Variants in PCDH15 observed in about 807,000 individuals in gnomAD.
PCDH15 encodes the protein protocadherin related 15.
In PCDH15, 129 loss-of-function variants were observed where a neutral mutation model predicts 178.5. The ratio of observed to expected loss-of-function variants is 0.72; its 90% confidence interval spans 0.63 to 0.84. PCDH15 has a LOEUF of 0.84. Ranked by LOEUF, PCDH15 falls within the 40% of genes least tolerant of loss-of-function variation. PCDH15 has a pLI of 0.00. For synonymous variants in PCDH15, 800 were observed against 732.0 expected (o/e 1.09, Z -1.50); for missense variants, 2,230 against 2,099.9 (o/e 1.06, Z -1.21).
intron 32 of PCDH15, chr10:53,822,472 G>C (rs530570148): frequency 1.2e-6 from 2 of 1,600,712 alleles, no homozygotes; most frequent in Non-Finnish European, 1.7e-6. Flanking sequence ...GGAGAAATAG[G>C]AGGAGGAGGG....
chr10:54,106,886 A>G (rs549878578), intron 15 of PCDH15, among the ~76,000 whole-genome samples: 11 of 152,344 alleles, frequency 7.2e-5, no homozygotes, highest in Admixed American at 6.5e-4. Context: ...TAAACAGTTA[A>G]AACATTGGAA....
intron 9 of PCDH15, among the ~76,000 whole-genome samples, chr10:54,225,284 C>T (rs902265039): frequency 2.6e-5 from 4 of 152,128 alleles, no homozygotes. Context: ...CTTCATGGTA[C>T]ATGATACGTT....
intron 2 of PCDH15, among the ~76,000 whole-genome samples, chr10:55,449,049 T>C (rs1363708845): frequency 6.6e-6 from 1 of 152,082 alleles, no homozygotes; most frequent in African/African-American, 2.4e-5. Flanking sequence ...ATATTTGTAA[T>C]CAAATTTATA....
intron 3 of PCDH15, among the ~76,000 whole-genome samples, chr10:54,421,929 C>CTATATATATATACACTATA (rs1565232430): frequency 1.5e-4 from 16 of 105,732 alleles, no homozygotes; most frequent in Non-Finnish European, 2.8e-4. Context: ...TATATATACA[C>CTATATATATATACACTATA]TATATATATA....
chr10:54,188,211 G>A (rs11004126), intron 11 of PCDH15, among the ~76,000 whole-genome samples: 66,228 of 151,648 alleles, frequency 0.44, 17,567 homozygotes, highest in East Asian at 0.94. Flanking sequence ...GCTGCATTCC[G>A]ATACAGTTTG....
intron 2 of PCDH15, among the ~76,000 whole-genome samples, chr10:55,102,836 T>C (rs1368781141): frequency 1.1e-5 from 1 of 91,746 alleles, no homozygotes; most frequent in Non-Finnish European, 2.3e-5. Flanking sequence ...TTATATAATG[T>C]AGTCTTATTT....
At chr10:54,937,255 T>C (rs1261313529) in intron 2 of PCDH15, among the ~76,000 whole-genome samples, 1 of 151,854 alleles carries the variant, frequency 6.6e-6, no homozygotes, top group Non-Finnish European at 1.5e-5. Context: ...GTCCTTTAAA[T>C]GTGTTATTCT....
intron 17 of PCDH15, among the ~76,000 whole-genome samples, chr10:54,074,859 G>A (rs2094311216): frequency 6.6e-6 from 1 of 152,014 alleles, no homozygotes; most frequent in Admixed American, 6.6e-5. Flanking sequence ...AACATGTTAT[G>A]TTGTTGTTGT....
chr10:55,587,738 T>C (rs1842754027), intron 2 of PCDH15, among the ~76,000 whole-genome samples: 1 of 152,232 alleles, frequency 6.6e-6, no homozygotes, highest in Non-Finnish European at 1.5e-5. Flanking sequence ...AAAGATGCTT[T>C]CTTGACAGTT....
At chr10:55,067,665 T>A (rs534215070) in intron 2 of PCDH15, among the ~76,000 whole-genome samples, 1 of 147,210 alleles carries the variant, frequency 6.8e-6, no homozygotes, top group Non-Finnish European at 1.5e-5. Flanking sequence ...GAAACTTCCA[T>A]GCTGCTTTCT....
At chr10:54,383,422 A>T (rs1211063966) in intron 3 of PCDH15, among the ~76,000 whole-genome samples, 2 of 152,194 alleles carry the variant, frequency 1.3e-5, no homozygotes, top group Non-Finnish European at 2.9e-5. Flanking sequence ...GCTTATTAGT[A>T]CTTATTAGCA....
Position 55,013,482 on chromosome 10 carries a change from T to A in PCDH15, c.-79-115982A>T, listed in dbSNP as rs965528755. Among the ~76,000 whole-genome samples the A allele has an allele frequency of 3.7e-5, 5 of 135,106 alleles. 1 individual carries two copies. The highest frequency in any genetic ancestry group is 5.0e-4 in the South Asian group (2 of 3,972). 88.6% of individuals were successfully genotyped at this position (135,106 alleles called of 152,430 possible). A position where few individuals can be genotyped will look rare whatever the true frequency, so the allele number is the denominator to read the frequency against. ...TCCACCACTCAGACCATGATTTATC[T>A]CACATCAGGGCATCTGCCTTTCCCT... is the stretch of plus-strand genomic sequence containing the variant. On this transcript the variant is annotated intron_variant, in intron 2 of 5. Transcript: ENST00000458638.
chr10:54,042,320 A>G (rs2135526041), intron 18 of PCDH15, among the ~76,000 whole-genome samples: 1 of 152,230 alleles, frequency 6.6e-6, no homozygotes, highest in Non-Finnish European at 1.5e-5. Context: ...ATGCAGCTAG[A>G]ATTTGAATGC....
At chr10:54,000,384 A>G (rs1248895543) in intron 20 of PCDH15, among the ~76,000 whole-genome samples, 1 of 152,184 alleles carries the variant, frequency 6.6e-6, no homozygotes, top group Non-Finnish European at 1.5e-5. Flanking sequence ...GTGATCTTTC[A>G]GACAGAGAAT....
intron 2 of PCDH15, among the ~76,000 whole-genome samples, chr10:55,091,969 G>A (rs1216242945): frequency 1.3e-5 from 2 of 151,800 alleles, no homozygotes; most frequent in Non-Finnish European, 2.9e-5. Context: ...GGTTTGCTAT[G>A]TTATAATTTG....
chr10:54,218,548 A>G (rs1042303155), intron 9 of PCDH15, among the ~76,000 whole-genome samples: 1 of 151,092 alleles, frequency 6.6e-6, no homozygotes, highest in African/African-American at 2.5e-5. Context: ...TCTCTGTCCA[A>G]GGGCACACAG....
intron 1 of PCDH15, among the ~76,000 whole-genome samples, chr10:55,217,755 A>G (rs1033135235): frequency 2.6e-5 from 4 of 151,970 alleles, no homozygotes; most frequent in African/African-American, 2.4e-5. Flanking sequence ...GCCATCACAT[A>G]AAACACTGCT....
rs117895272 is a variant in PCDH15, at chr10:54,800,439, T to C, written c.-29+486A>G. Among the ~76,000 whole-genome samples, 425 of 152,262 alleles carry C rather than the reference T, an allele frequency of 2.8e-3. 5 individuals are homozygous for C. The Middle Eastern group carries it at 0.044, about 16-fold the overall frequency. On this transcript the variant is annotated intron_variant, in intron 1 of 37. Coordinates refer to ENST00000644397, the MANE Select transcript of PCDH15 (RefSeq NM_001384140.1). Reference sequence around the variant, plus strand: ...TATACTCACAAAAGACAAAAAATACTGTTCATTGTGAGGCAGAATTAGCTA... The same window carrying C: ...TATACTCACAAAAGACAAAAAATACCGTTCATTGTGAGGCAGAATTAGCTA...
chr10:55,065,017 G>C (rs1249963564), intron 2 of PCDH15, among the ~76,000 whole-genome samples: 1 of 151,866 alleles, frequency 6.6e-6, no homozygotes, highest in Non-Finnish European at 1.5e-5. Context: ...AAAATATCTG[G>C]ATGAAAGATG....
Sources: allele counts gnomAD v4.1 joint callset (sites outside exome capture counted in the v4.1 genomes callset), GRCh38; gene constraint gnomAD v4.1.1; transcripts MANE v1.5; gene names NCBI Gene and HGNC (gene_info 2026-07-23, HGNC 2026-07-21).